The following XYLB variants were observed in gnomAD, a reference collection of about 807,000 sequenced individuals.
XYLB encodes xylulose kinase.
In XYLB, 62 loss-of-function variants were observed where a neutral mutation model predicts 78.7. That is an observed-to-expected ratio of 0.79 (90% CI 0.64 to 0.97). The LOEUF (loss-of-function observed/expected upper bound fraction) is 0.97, where lower values mean the gene tolerates loss of function less well. Ranked by LOEUF, XYLB falls within the 50% of genes least tolerant of loss-of-function variation. The pLI, the probability that XYLB is intolerant of heterozygous loss-of-function variation, is 0.00. For synonymous variants in XYLB, 245 were observed against 247.4 expected, an observed-to-expected ratio of 0.99 and a Z score of 0.09; for missense variants, 687 against 676.8, an observed-to-expected ratio of 1.02 and a Z score of -0.17.
At chr3:38,448,546 C>A in the XYLB span, among the ~76,000 whole-genome samples, 1 of 152,296 alleles carries the variant, frequency 6.6e-6, no homozygotes, top group Non-Finnish European at 1.5e-5. Flanking sequence ...TTTTCTGCTT[C>A]TTTTGGGTCA....
chr3:38,450,886 C>G, the XYLB span: 1 of 152,118 alleles, frequency 6.6e-6, no homozygotes, highest in Non-Finnish European at 1.5e-5. Flanking sequence ...AAAAAGTAGT[C>G]GGATGGTGGA....
intron 1 of XYLB, among the ~76,000 whole-genome samples, chr3:38,347,290 C>G (rs1705119532): frequency 6.6e-6 from 1 of 152,234 alleles, no homozygotes; most frequent in African/African-American, 2.4e-5. Context: ...AGGAAGTCAG[C>G]TACTGTAAGG....
intron 14 of XYLB, among the ~76,000 whole-genome samples, chr3:38,378,775 A>G (rs185906255): frequency 1.4e-3 from 211 of 150,070 alleles, no homozygotes; most frequent in African/African-American, 4.6e-3. Context: ...CTTGAAGGAC[A>G]TGCCACAGGG....
At chr3:38,365,757 G>A (rs757578810) in intron 6 of XYLB, 21 bp downstream of exon 6, 7 of 1,601,442 alleles carry the variant, frequency 4.4e-6, no homozygotes, top group African/African-American at 1.3e-5. Context: ...GATGCGGGGG[G>A]TGCAGGGGGT....
At chr3:38,375,821 C>A (rs1302389617) in intron 12 of XYLB, among the ~76,000 whole-genome samples, 1 of 152,138 alleles carries the variant, frequency 6.6e-6, no homozygotes, top group Non-Finnish European at 1.5e-5. Context: ...CTCATTGTGC[C>A]CATGGTAGAA....
chr3:38,372,659 C>G lies in XYLB; in HGVS notation c.770C>G (p.Ala257Gly). The G allele has an allele frequency of 6.2e-7, 1 of 1,614,114 alleles. No homozygotes were observed. The change falls in exon 10 of 19, where the codon GCC becomes GGC. Residue 257 changes from alanine (A) to glycine (G), a missense_variant. Ala to Gly is a moderately conservative substitution (Grantham distance 60, BLOSUM62 0). Transcript: ENST00000207870. The stretch of plus-strand genomic sequence containing the variant: ...TGCTTTGTCCCCGTCCCTCAGGGAG[C>G]CATTTCTTCCTACTACGTCCAGCGC... ...PPVPSCSVVG[A>G]ISSYYVQRYG...
chr3:38,387,312 T>A (rs1364545634), intron 15 of XYLB, among the ~76,000 whole-genome samples: 2 of 149,850 alleles, frequency 1.3e-5, no homozygotes, highest in East Asian at 3.9e-4. Context: ...TTTCTATTCT[T>A]TTTTTTTTTT....
At chr3:38,352,291 G>A (rs1020749012) in intron 2 of XYLB, among the ~76,000 whole-genome samples, 2 of 151,924 alleles carry the variant, frequency 1.3e-5, no homozygotes, top group South Asian at 2.1e-4. Context: ...TGCAAGTTCC[G>A]CCTCCCGGGT....
intron 15 of XYLB, among the ~76,000 whole-genome samples, chr3:38,394,529 A>T (rs1007225212): frequency 1.3e-5 from 2 of 152,064 alleles, no homozygotes; most frequent in South Asian, 4.1e-4. Context: ...TTGTTATCTT[A>T]TGGCATTGAC....
chr3:38,385,529 A>G (rs1207192207), intron 15 of XYLB, among the ~76,000 whole-genome samples: 1 of 152,106 alleles, frequency 6.6e-6, no homozygotes, highest in Non-Finnish European at 1.5e-5. Flanking sequence ...CCTATCCTGT[A>G]TTAACTTCTA....
intron 18 of XYLB, among the ~76,000 whole-genome samples, chr3:38,407,668 A>G (rs1708384141): frequency 6.6e-6 from 1 of 152,186 alleles, no homozygotes; most frequent in African/African-American, 2.4e-5. Context: ...ACATAGGCTC[A>G]AAATAAAAGG....
intron 15 of XYLB, among the ~76,000 whole-genome samples, chr3:38,380,085 C>T (rs146542391): frequency 2.4e-4 from 36 of 152,252 alleles, no homozygotes; most frequent in African/African-American, 8.4e-4. Context: ...CCCACGATAA[C>T]CCGTTAATCC....
At chr3:38,347,032 G>A in intron 1 of XYLB, 107 bp downstream of exon 1, 3 of 1,158,180 alleles carry the variant, frequency 2.6e-6, no homozygotes, top group Middle Eastern at 3.2e-4. Flanking sequence ...GGCCGCGGGC[G>A]CGCCTACCTC....
downstream of XYLB, among the ~76,000 whole-genome samples, chr3:38,416,672 A>T (rs1708805232): frequency 6.6e-6 from 1 of 152,212 alleles, no homozygotes; most frequent in South Asian, 2.1e-4. Context: ...AAAGGCAAAG[A>T]TTACAGTATC....
In XYLB at chr3:38,370,053, C is replaced by T. The variant is rs1411338757; in HGVS notation, c.647-3C>T. On this transcript the variant is annotated splice_region_variant and splice_polypyrimidine_tract_variant and intron_variant, in intron 8 of 18. Transcript: ENST00000207870. Reference sequence around the variant, plus strand: ...TCTGTTGTTTGTTTCCTTCCTTCCTCAGGTTCTGGAATGAATTTGTTGCAG... The same window carrying T: ...TCTGTTGTTTGTTTCCTTCCTTCCTTAGGTTCTGGAATGAATTTGTTGCAG... 2.5e-6 allele frequency: 4 copies of T among 1,613,076 alleles called. No homozygotes were observed. The African/African-American group carries it at 5.3e-5, about 22-fold the overall frequency.
the XYLB span, among the ~76,000 whole-genome samples, chr3:38,430,209 C>T: frequency 7.9e-5 from 12 of 152,204 alleles, no homozygotes; most frequent in East Asian, 1.9e-4. Flanking sequence ...ACATCCTCTC[C>T]AGCATCTGTT....
At chr3:38,434,608 T>C in the XYLB span, among the ~76,000 whole-genome samples, 1 of 152,038 alleles carries the variant, frequency 6.6e-6, no homozygotes, top group Non-Finnish European at 1.5e-5. Flanking sequence ...ACATTTACCA[T>C]CATGAAAACA....
intron 4 of XYLB, among the ~76,000 whole-genome samples, chr3:38,364,224 A>G (rs534720631): frequency 1.2e-3 from 181 of 150,598 alleles, no homozygotes; most frequent in Non-Finnish European, 2.1e-3. Flanking sequence ...TGCCTCCTCC[A>G]CCTTCCCACC....
chr3:38,403,579 A>G lies in XYLB; in HGVS notation c.1533+2594A>G, dbSNP rs539412527. On this transcript the variant is annotated intron_variant, in intron 18 of 18. Coordinates refer to ENST00000207870, the MANE Select transcript of XYLB (RefSeq NM_005108.4). ...GTCTCTCCTCACACACCTCTTGCTCATCAGGGAGAAAAATACTGGCCTATC... is the reference window on the plus strand; with the variant it reads ...GTCTCTCCTCACACACCTCTTGCTCGTCAGGGAGAAAAATACTGGCCTATC... Among the ~76,000 whole-genome samples, 308 of 152,254 alleles carry G rather than the reference A, an allele frequency of 2.0e-3. 6 individuals are homozygous for G. The highest frequency in any genetic ancestry group is 3.7e-4 in the Non-Finnish European group (25 of 68,026).
Sources: allele counts gnomAD v4.1 joint callset (sites outside exome capture counted in the v4.1 genomes callset), GRCh38; gene constraint gnomAD v4.1.1; transcripts MANE v1.5; gene names NCBI Gene and HGNC (gene_info 2026-07-23, HGNC 2026-07-21).